The following TPD52L2 variants were observed in gnomAD, a reference collection of about 807,000 sequenced individuals.
TPD52L2 encodes the protein tumor protein D54.
TPD52L2 carries 19 observed loss-of-function variants against 24.7 expected under a neutral mutation model. The ratio of observed to expected loss-of-function variants is 0.77; its 90% CI spans 0.54 to 1.13. The LOEUF (loss-of-function observed/expected upper bound fraction) is 1.13. TPD52L2 is among the 50% of genes most tolerant of loss of function. TPD52L2 has a pLI of 0.00. For synonymous variants in TPD52L2, 104 were observed against 100.2 expected (o/e 1.04, Z -0.23); for missense variants, 236 against 250.4 (o/e 0.94, Z 0.39).
At chr20:63,865,998 G>A (rs2052212698) in intron 1 of TPD52L2, among the ~76,000 whole-genome samples, 1 of 152,234 alleles carries the variant, frequency 6.6e-6, no homozygotes, top group Non-Finnish European at 1.5e-5. Flanking sequence ...GATGGCCACT[G>A]AGGGGCGTGG....
At chr20:63,872,956 G>T (rs6011196) in intron 2 of TPD52L2, among the ~76,000 whole-genome samples, 1 of 151,434 alleles carries the variant, frequency 6.6e-6, no homozygotes, top group African/African-American at 2.4e-5. Flanking sequence ...CTCGTGATCC[G>T]CCCGCCTTGG....
chr20:63,890,018 C>A lies in TPD52L2; in HGVS notation c.*73C>A. ...GCATCACAGCCGCAGCTCTGTTCAG[C>A]GGAGCAGCCAGCCAGGGCGGATGAG... On this transcript the variant is annotated 3_prime_UTR_variant, in exon 7 of 7. Coordinates refer to ENST00000346249, the MANE Select transcript of TPD52L2 (RefSeq NM_003288.4). 2 of 1,598,200 alleles carry A rather than the reference C, an allele frequency of 1.3e-6. No homozygotes were observed. The highest frequency in any genetic ancestry group is 1.7e-6 in the Non-Finnish European group (2 of 1,173,364).
intron 1 of TPD52L2, 140 bp downstream of exon 1, chr20:63,865,524 C>A: frequency 1.8e-6 from 2 of 1,137,170 alleles, no homozygotes; most frequent in South Asian, 1.6e-5. Context: ...GCTCCCGGGG[C>A]CACTGACCTC....
Position 63,890,190 on chromosome 20 carries a change from G to C in TPD52L2, c.*245G>C. 1.1e-6 allele frequency: 1 copy of C among 882,690 alleles called. No homozygotes were observed. Among genetic ancestry groups the C allele is most frequent in the African/African-American group, 1.7e-5 (1 of 59,150 alleles). 54.7% of individuals were successfully genotyped at this position (882,690 alleles called of 1,614,324 possible). Reference sequence around the variant, plus strand: ...AGATCACTGTGCTGTCCTTCCTAGGGGTGCAGGAAGTGGACAGGGCGGAGG... The same window carrying C: ...AGATCACTGTGCTGTCCTTCCTAGGCGTGCAGGAAGTGGACAGGGCGGAGG... On this transcript the variant is annotated 3_prime_UTR_variant, in exon 7 of 7. Transcript: ENST00000346249.
chr20:63,882,859 C>A, intron 5 of TPD52L2, 39 bp downstream of exon 5: 2 of 1,519,280 alleles, frequency 1.3e-6, no homozygotes, highest in Non-Finnish European at 1.8e-6. Context: ...TGAGACCTGG[C>A]CAGGAGTGAG....
rs199839338 is a variant in TPD52L2, at chr20:63,875,860, T to C, written c.359T>C (p.Val120Ala). Reference protein sequence around the residue: ...SEKLGEWNEKVTQSDLYKKTQ... With the variant: ...SEKLGEWNEKATQSDLYKKTQ... ...AAACTTGGAGAGTGGAATGAGAAAGTGACCCAGTCAGACCTGTGAGTGCCT... is the reference window on the plus strand; with the variant it reads ...AAACTTGGAGAGTGGAATGAGAAAGCGACCCAGTCAGACCTGTGAGTGCCT... Residue 120 changes from valine (V) to alanine (A), a missense_variant, in exon 4 of 7, where the codon GTG (valine) becomes GCG (alanine). Coordinates refer to ENST00000346249, the MANE Select transcript of TPD52L2 (RefSeq NM_003288.4). 3 of 1,614,234 alleles carry C rather than the reference T, an allele frequency of 1.9e-6. No homozygotes were observed. Among genetic ancestry groups the C allele is most frequent in the Non-Finnish European group, 2.5e-6 (3 of 1,180,042 alleles).
At chr20:63,869,539 C>T in intron 2 of TPD52L2, 98 bp downstream of exon 2, 2 of 1,497,770 alleles carry the variant, frequency 1.3e-6, no homozygotes, top group Non-Finnish European at 1.8e-6. Flanking sequence ...GGAGGAATTG[C>T]CCTGGGTGGT....
At chr20:63,873,585 T>G (rs567666580) in intron 2 of TPD52L2, 83 bp from the exon 3 acceptor site, 1 of 1,471,102 alleles carries the variant, frequency 6.8e-7, no homozygotes. Context: ...AAAGTTCTTG[T>G]GTAACTCATG....
At position 63,882,731 on chromosome 20, in the gene TPD52L2, T is replaced by C. The variant is rs766749422; in HGVS notation, c.387T>C (p.Thr129=). The C allele has an allele frequency of 1.2e-5, 20 of 1,613,960 alleles. No homozygotes were observed. Among genetic ancestry groups the C allele is most frequent in the Non-Finnish European group, 1.7e-5 (20 of 1,179,836 alleles). ...KVTQSDLYKK[T]QETLSQAGQK... Reference sequence around the variant, plus strand: ...GTGTGTCTTCCAGCTACAAGAAGACTCAGGAAACTCTTTCACAGGCAGGAC... The same window carrying C: ...GTGTGTCTTCCAGCTACAAGAAGACCCAGGAAACTCTTTCACAGGCAGGAC... Residue 129 remains threonine, a synonymous_variant, in exon 5 of 7, where the codon ACT becomes ACC. Coordinates refer to ENST00000346249, the MANE Select transcript of TPD52L2 (RefSeq NM_003288.4).
At chr20:63,876,729 T>G (rs2052693168) in intron 4 of TPD52L2, 1 of 455,752 alleles carries the variant, frequency 2.2e-6, no homozygotes, top group South Asian at 1.5e-5. Flanking sequence ...AGGCTGGCAC[T>G]GCGTGCACAT....
At chr20:63,865,904 C>G (rs879944666) in intron 1 of TPD52L2, among the ~76,000 whole-genome samples, 9 of 152,140 alleles carry the variant, frequency 5.9e-5, no homozygotes, top group Non-Finnish European at 8.8e-5. Context: ...TAGGGGTTGC[C>G]TCATGGAGAG....
intron 4 of TPD52L2, among the ~76,000 whole-genome samples, chr20:63,882,026 G>C (rs368826408): frequency 2.0e-5 from 3 of 152,202 alleles, no homozygotes; most frequent in South Asian, 2.1e-4. Context: ...GGATAGAAGC[G>C]GGGCCTTCAC....
At chr20:63,865,412 G>T (rs1447334322) in intron 1 of TPD52L2, 28 bp downstream of exon 1, 1 of 1,526,946 alleles carries the variant, frequency 6.5e-7, no homozygotes, top group Non-Finnish European at 8.8e-7. Context: ...CCCCTTCGCC[G>T]CAGATGGGCC....
rs1401923738 is a variant in TPD52L2, at chr20:63,890,365, T to C, written c.*420T>C. On this transcript the variant is annotated 3_prime_UTR_variant, in exon 7 of 7. Transcript: ENST00000346249. ...CTCCTTCCCTGACTCACAGAAGGAA[T>C]GCAATCACCCAGCAAGTCCTACCTG... is the stretch of plus-strand genomic sequence containing the variant. The C allele has an allele frequency of 4.6e-6, 1 of 217,838 alleles. No individual in the cohort carries two copies. The highest frequency in any genetic ancestry group is 9.0e-6 in the Non-Finnish European group (1 of 110,534). The allele number at this position is 217,838 out of a possible 1,614,324, so 13.5% of individuals were successfully genotyped here.
chr20:63,884,826 G>A (rs373326680), intron 5 of TPD52L2, among the ~76,000 whole-genome samples: 159 of 152,252 alleles, frequency 1.0e-3, no homozygotes, highest in African/African-American at 3.6e-3. Flanking sequence ...GCTGACCTGG[G>A]ACGAGCCAGC....
intron 3 of TPD52L2, among the ~76,000 whole-genome samples, chr20:63,874,228 T>TTGTGTGTGTG (rs547406712): frequency 4.3e-5 from 6 of 139,956 alleles, no homozygotes; most frequent in African/African-American, 8.2e-5. Flanking sequence ...ATTTTTTTTT[T>TTGTGTGTGTG]TGTGTGTGTG....
At chr20:63,874,655 G>A (rs2052598391) in intron 3 of TPD52L2, among the ~76,000 whole-genome samples, 1 of 152,122 alleles carries the variant, frequency 6.6e-6, no homozygotes, top group African/African-American at 2.4e-5. Flanking sequence ...GATTACACGT[G>A]TGAGCCACCA....
chr20:63,871,980 A>G (rs966641781), intron 2 of TPD52L2, among the ~76,000 whole-genome samples: 3 of 151,824 alleles, frequency 2.0e-5, no homozygotes, highest in Non-Finnish European at 4.4e-5. Context: ...TGAGCTGAAG[A>G]TACTGAGAAC....
Position 63,882,764 on chromosome 20 carries a change from T to A in TPD52L2, c.420T>A (p.Thr140=), listed in dbSNP as rs749469574. 6.2e-7 allele frequency: 1 copy of A among 1,614,108 alleles called. No homozygotes were observed. The highest frequency in any genetic ancestry group is 8.5e-7 in the Non-Finnish European group (1 of 1,179,990). Reference sequence around the variant, plus strand: ...CTCTTTCACAGGCAGGACAGAAGACTTCAGCTGCCCTGTCCACAGTGGGCT... The same window carrying A: ...CTCTTTCACAGGCAGGACAGAAGACATCAGCTGCCCTGTCCACAGTGGGCT... ...QETLSQAGQK[T]SAALSTVGSA... Residue 140 remains threonine (T), a synonymous_variant, in exon 5 of 7, where the codon ACT becomes ACA. Coordinates refer to ENST00000346249, the MANE Select transcript of TPD52L2 (RefSeq NM_003288.4).
Sources: gnomAD v4.1 joint callset for allele counts (sites outside exome capture counted in the v4.1 genomes callset) on GRCh38, gnomAD v4.1.1 for gene constraint, MANE v1.5 for transcripts, NCBI Gene and HGNC (gene_info 2026-07-23, HGNC 2026-07-21) for gene names.